HECW1: variants seen among roughly 807,000 people sequenced by gnomAD.
HECW1 encodes the protein HECT, C2 and WW domain containing E3 ubiquitin protein ligase 1.
A neutral mutation model predicts 182.3 loss-of-function variants in HECW1; 61 were observed. The ratio of observed to expected loss-of-function variants is 0.33; its 90% CI spans 0.27 to 0.41. The LOEUF (loss-of-function observed/expected upper bound fraction) is 0.41, where lower values mean the gene tolerates loss of function less well. Ranked by LOEUF, HECW1 falls within the 10% of genes least tolerant of loss-of-function variation. HECW1 has a pLI of 1.00. For synonymous variants in HECW1, 859 were observed against 832.6 expected (o/e 1.03, Z -0.55); for missense variants, 1,739 against 2,108.9 (o/e 0.82, Z 3.44).
At chr7:43,297,888 A>T (rs575290339) in intron 3 of HECW1, among the ~76,000 whole-genome samples, 4 of 152,334 alleles carry the variant, frequency 2.6e-5, no homozygotes, top group Admixed American at 2.6e-4. Flanking sequence ...TCTGGGCAGC[A>T]TAGAGAGACC....
At chr7:43,362,491 C>T (rs1584630216) in intron 6 of HECW1, among the ~76,000 whole-genome samples, 1 of 152,172 alleles carries the variant, frequency 6.6e-6, no homozygotes, top group Admixed American at 6.5e-5. Flanking sequence ...CTGTCTGACT[C>T]GGACAGCAAT....
Position 43,132,743 on chromosome 7 carries a change from T to C in HECW1, c.-32+18352T>C, listed in dbSNP as rs552797708. 5.3e-5 allele frequency among the ~76,000 whole-genome samples: 8 copies of C among 152,296 alleles called. No homozygotes were observed. In the South Asian group the frequency reaches 1.7e-3, roughly 32 times the overall value. On this transcript the variant is annotated intron_variant, in intron 2 of 29. Coordinates refer to ENST00000395891, the MANE Select transcript of HECW1 (RefSeq NM_015052.5). ...ACACTTTTCTTTAATTCTTGACCCT[T>C]CTTTCTTCCTTCCTTCCACTCTCCT...
intron 5 of HECW1, among the ~76,000 whole-genome samples, chr7:43,337,937 C>A (rs1812509158): frequency 6.6e-6 from 1 of 152,180 alleles, no homozygotes; most frequent in Admixed American, 6.5e-5. Flanking sequence ...CTGGGAGAAG[C>A]AACTACCAAT....
intron 9 of HECW1, chr7:43,440,561 A>G (rs1340686967): frequency 6.6e-6 from 1 of 152,238 alleles, no homozygotes; most frequent in Admixed American, 6.5e-5. Flanking sequence ...TTCACATGGC[A>G]GGGGCTCAAA....
chr7:43,445,405 G>C lies in HECW1; in HGVS notation c.2233G>C (p.Ala745Pro), dbSNP rs762002584. The change falls in exon 11 of 30, where the codon GCG (alanine) becomes CCG (proline). Residue 745 changes from alanine to proline, a missense_variant. Ala to Pro is a conservative substitution (Grantham distance 27). Transcript: ENST00000395891. ...AGACGACGAGGAGGAGGAGAACAGCGCGTTCGAGTCGGTACCCGACTCCAT... is the reference window on the plus strand; with the variant it reads ...AGACGACGAGGAGGAGGAGAACAGCCCGTTCGAGTCGGTACCCGACTCCAT... ...SQDDEEEENS[A>P]FESVPDSMQS... 1 of 1,613,444 alleles carries C rather than the reference G, an allele frequency of 6.2e-7. No homozygotes were observed. The highest frequency in any genetic ancestry group is 8.5e-7 in the Non-Finnish European group (1 of 1,180,000).
At chr7:43,462,394 C>T (rs2152893580) in intron 13 of HECW1, among the ~76,000 whole-genome samples, 1 of 151,846 alleles carries the variant, frequency 6.6e-6, no homozygotes, top group South Asian at 2.1e-4. Context: ...TTTTTTTTAG[C>T]AGCCACCCAT....
chr7:43,437,852 T>A, intron 8 of HECW1, 151 bp from the exon 9 acceptor site: 1 of 760,968 alleles, frequency 1.3e-6, no homozygotes, highest in South Asian at 1.9e-5. Flanking sequence ...ATTTACTGAA[T>A]AAACAGGTTC....
At chr7:43,157,092 A>G (rs1018196276) in intron 2 of HECW1, among the ~76,000 whole-genome samples, 3 of 152,236 alleles carry the variant, frequency 2.0e-5, no homozygotes, top group African/African-American at 7.2e-5. Context: ...CTAATAAAAT[A>G]TGCATCTTTA....
intron 2 of HECW1, among the ~76,000 whole-genome samples, chr7:43,132,703 A>G (rs1009974358): frequency 1.3e-5 from 2 of 152,130 alleles, no homozygotes; most frequent in Non-Finnish European, 1.5e-5. Flanking sequence ...CTCTAACACA[A>G]GAAATTGAGT....
Position 43,243,985 on chromosome 7 carries a change from C to G in HECW1, c.27+53C>G. On this transcript the variant is annotated intron_variant, in intron 3 of 29. Coordinates refer to ENST00000395891, the MANE Select transcript of HECW1 (RefSeq NM_015052.5). This position sits in a 1 kb window ranked among gnomAD's most constrained non-coding sequence, Gnocchi z 4.0. ...ACCATCCATGTCATTCCATTATAAACCCACTCCACTCATAATGGAATGTGC... is the reference window on the plus strand; with the variant it reads ...ACCATCCATGTCATTCCATTATAAAGCCACTCCACTCATAATGGAATGTGC... The G allele has an allele frequency of 7.3e-7, 1 of 1,364,606 alleles. No individual in the cohort carries two copies. The highest frequency in any genetic ancestry group is 1.1e-6 in the Non-Finnish European group (1 of 951,888). 84.5% of individuals were successfully genotyped at this position (1,364,606 alleles called of 1,614,324 possible).
At position 43,164,800 on chromosome 7, in the gene HECW1, A is replaced by G. The variant is rs116171402; in HGVS notation, c.-32+50409A>G. Among the ~76,000 whole-genome samples, 159 of 152,358 alleles carry G rather than the reference A, an allele frequency of 1.0e-3. 2 individuals carry two copies. Among genetic ancestry groups the G allele is most frequent in the African/African-American group, 3.7e-3 (152 of 41,590 alleles). ...ATGTGAGGCAAGTGCAGACTCTTCC[A>G]GAATTAGAAAGGAGATGCCGAGCAT... On this transcript the variant is annotated intron_variant, in intron 2 of 29. Transcript: ENST00000395891.
chr7:43,300,883 G>C (rs1806673785), intron 3 of HECW1, among the ~76,000 whole-genome samples: 1 of 152,260 alleles, frequency 6.6e-6, no homozygotes, highest in East Asian at 1.9e-4. Context: ...CACTGTCCCT[G>C]CACCCGCCCA....
chr7:43,463,538 G>C, intron 13 of HECW1, 122 bp from the exon 14 acceptor site: 1 of 850,746 alleles, frequency 1.2e-6, no homozygotes, highest in South Asian at 1.8e-5. Flanking sequence ...GGAATTTTAA[G>C]CATTTCTTTC....
chr7:43,503,654 C>A (rs1324609151), intron 21 of HECW1, among the ~76,000 whole-genome samples: 1 of 152,096 alleles, frequency 6.6e-6, no homozygotes, highest in Non-Finnish European at 1.5e-5. Flanking sequence ...AATATGTAAT[C>A]CAAATACGTT....
At chr7:43,530,602 TC>T (rs1241711609) in intron 24 of HECW1, among the ~76,000 whole-genome samples, 1 of 152,176 alleles carries the variant, frequency 6.6e-6, no homozygotes, top group African/African-American at 2.4e-5. Context: ...TATAAACTTC[TC>T]TCCATACTAA....
intron 7 of HECW1, among the ~76,000 whole-genome samples, chr7:43,403,897 A>G (rs889542288): frequency 3.9e-5 from 6 of 152,180 alleles, no homozygotes; most frequent in African/African-American, 1.4e-4. Flanking sequence ...TATATTTTTA[A>G]GTATTATAAT....
intron 22 of HECW1, 112 bp downstream of exon 22, chr7:43,507,369 G>A: frequency 1.9e-6 from 2 of 1,052,476 alleles, no homozygotes; most frequent in Non-Finnish European, 2.7e-6. Flanking sequence ...TGTGGTAGTG[G>A]TTATGGTCTG....
intron 2 of HECW1, among the ~76,000 whole-genome samples, chr7:43,141,071 G>T (rs1788102546): frequency 6.6e-6 from 1 of 152,156 alleles, no homozygotes; most frequent in Admixed American, 6.5e-5. Flanking sequence ...GGTGAATTGT[G>T]GGGAGACACA....
intron 9 of HECW1, among the ~76,000 whole-genome samples, chr7:43,441,820 A>G (rs1026841794): frequency 2.6e-5 from 4 of 152,246 alleles, no homozygotes; most frequent in Admixed American, 6.5e-5. Context: ...TTTTTCCAAC[A>G]ATTTAAAATG....
Sources: gnomAD v4.1 joint callset for allele counts (sites outside exome capture counted in the v4.1 genomes callset) on GRCh38, gnomAD v4.1.1 for gene constraint, Gnocchi (gnomAD v3.1) non-coding constraint, MANE v1.5 for transcripts, NCBI Gene and HGNC (gene_info 2026-07-23, HGNC 2026-07-21) for gene names.